The following CNTNAP2 variants were observed in gnomAD, a reference collection of about 807,000 sequenced individuals.
CNTNAP2 encodes contactin associated protein 2.
In CNTNAP2, 98 loss-of-function variants were observed where a neutral mutation model predicts 155.2. The ratio of observed to expected loss-of-function variants is 0.63; its 90% CI spans 0.54 to 0.75. The LOEUF is 0.75. CNTNAP2 is among the 30% of genes least tolerant of loss of function. The pLI is 0.00. For synonymous variants in CNTNAP2, 651 were observed against 631.2 expected (o/e 1.03, Z -0.47); for missense variants, 1,727 against 1,688.1 (o/e 1.02, Z -0.40).
At chr7:146,625,236 G>A (rs1342427669) in intron 1 of CNTNAP2, among the ~76,000 whole-genome samples, 1 of 151,868 alleles carries the variant, frequency 6.6e-6, no homozygotes, top group Non-Finnish European at 1.5e-5. Context: ...GAAGATGGGG[G>A]AGGATAAACA....
At chr7:146,523,829 T>C (rs1797650109) in intron 1 of CNTNAP2, among the ~76,000 whole-genome samples, 1 of 152,192 alleles carries the variant, frequency 6.6e-6, no homozygotes, top group African/African-American at 2.4e-5. Flanking sequence ...TGAGTTATTA[T>C]CCAGCCACCA....
At chr7:147,575,164 T>C (rs1204177478) in intron 12 of CNTNAP2, among the ~76,000 whole-genome samples, 1 of 87,908 alleles carries the variant, frequency 1.1e-5, no homozygotes, top group Non-Finnish European at 2.2e-5. Flanking sequence ...TTCCCTAGCT[T>C]TAGGAGTATG....
intron 8 of CNTNAP2, among the ~76,000 whole-genome samples, chr7:147,297,350 C>T (rs1265616118): frequency 6.6e-6 from 1 of 151,674 alleles, no homozygotes; most frequent in Non-Finnish European, 1.5e-5. Context: ...AGAAAACAGA[C>T]AAAAGAGAGC....
intron 22 of CNTNAP2, among the ~76,000 whole-genome samples, chr7:148,387,157 G>A (rs1435220942): frequency 6.6e-6 from 1 of 152,118 alleles, no homozygotes; most frequent in Admixed American, 6.5e-5. Flanking sequence ...GCACCAAGAA[G>A]GCTTCTTTCT....
At chr7:147,605,926 T>G (rs1801054675) in intron 12 of CNTNAP2, among the ~76,000 whole-genome samples, 1 of 151,980 alleles carries the variant, frequency 6.6e-6, no homozygotes, top group Non-Finnish European at 1.5e-5. Flanking sequence ...TGTGTGTGTG[T>G]GTGTTTGTGT....
intron 3 of CNTNAP2, among the ~76,000 whole-genome samples, chr7:147,039,714 G>C (rs1307750409): frequency 6.6e-6 from 1 of 152,100 alleles, no homozygotes; most frequent in Non-Finnish European, 1.5e-5. Flanking sequence ...TGGGTCAAAT[G>C]GTAGTTTTTC....
intron 9 of CNTNAP2, among the ~76,000 whole-genome samples, chr7:147,393,693 G>A (rs1199644067): frequency 2.0e-5 from 3 of 151,636 alleles, no homozygotes; most frequent in South Asian, 2.1e-4. Context: ...AAGTCAATGC[G>A]AATGAAAAAA....
At chr7:147,434,920 A>T (rs1563202880) in intron 10 of CNTNAP2, among the ~76,000 whole-genome samples, 1 of 152,154 alleles carries the variant, frequency 6.6e-6, no homozygotes, top group Non-Finnish European at 1.5e-5. Context: ...GCCACACATC[A>T]TCTTTTGTCT....
chr7:147,265,953 A>G (rs956763265), intron 8 of CNTNAP2, among the ~76,000 whole-genome samples: 4 of 152,192 alleles, frequency 2.6e-5, no homozygotes, highest in African/African-American at 9.6e-5. Context: ...AACAGCATCA[A>G]CAAAAAAGTC....
intron 3 of CNTNAP2, among the ~76,000 whole-genome samples, chr7:146,962,035 T>C (rs1797566532): frequency 6.6e-6 from 1 of 152,170 alleles, no homozygotes. Context: ...TGGTTACTTT[T>C]GTGACCTGTT....
At chr7:146,246,772 G>A (rs1179631387) in intron 1 of CNTNAP2, among the ~76,000 whole-genome samples, 2 of 152,164 alleles carry the variant, frequency 1.3e-5, no homozygotes, top group East Asian at 3.9e-4. Context: ...TGCACAGATG[G>A]GACTCGGCTT....
At chr7:147,596,615 G>A (rs369696290) in intron 12 of CNTNAP2, among the ~76,000 whole-genome samples, 1 of 151,974 alleles carries the variant, frequency 6.6e-6, no homozygotes, top group Admixed American at 6.6e-5. Context: ...TCAGCCTTTT[G>A]TTTTTTCTGG....
chr7:148,088,856 GA>G (rs959058192), intron 15 of CNTNAP2, among the ~76,000 whole-genome samples: 2 of 151,310 alleles, frequency 1.3e-5, no homozygotes, highest in South Asian at 2.1e-4. Flanking sequence ...AGCACCACAA[GA>G]AAAAAAATTA....
intron 1 of CNTNAP2, among the ~76,000 whole-genome samples, chr7:146,317,808 G>A (rs777398428): frequency 6.6e-6 from 1 of 152,192 alleles, no homozygotes; most frequent in Non-Finnish European, 1.5e-5. Flanking sequence ...CTCAATCAAA[G>A]CAATGTAAAG....
intron 15 of CNTNAP2, among the ~76,000 whole-genome samples, chr7:148,028,678 C>T (rs1802414974): frequency 6.6e-6 from 1 of 152,148 alleles, no homozygotes; most frequent in Admixed American, 6.5e-5. Context: ...TTATAATGAA[C>T]ACTGAATTTG....
intron 1 of CNTNAP2, among the ~76,000 whole-genome samples, chr7:146,364,197 A>G (rs1795123645): frequency 6.6e-6 from 1 of 152,244 alleles, no homozygotes; most frequent in South Asian, 2.1e-4. Flanking sequence ...TCTTAGGCTC[A>G]GAAGAATTAA....
chr7:147,328,886 G>A (rs13224673), intron 9 of CNTNAP2, among the ~76,000 whole-genome samples: 29,354 of 152,044 alleles, frequency 0.19, 3,140 homozygotes, highest in Non-Finnish European at 0.24. Context: ...AAGGTCTTTG[G>A]CAAAATCTGT....
chr7:148,415,358 A>G, intron 23 of CNTNAP2, 59 bp from the exon 24 acceptor site: 5 of 1,569,160 alleles, frequency 3.2e-6, no homozygotes, highest in South Asian at 1.1e-5. Context: ...AAGTGGGGAC[A>G]GTGTTGGAGG....
At chr7:148,356,523 C>A (rs982642141) in intron 21 of CNTNAP2, among the ~76,000 whole-genome samples, 9 of 152,146 alleles carry the variant, frequency 5.9e-5, no homozygotes, top group Non-Finnish European at 1.2e-4. Context: ...CCTGCTTGAG[C>A]CAGATCCAAG....
Sources: gnomAD v4.1 joint callset for allele counts (sites outside exome capture counted in the v4.1 genomes callset) on GRCh38, gnomAD v4.1.1 for gene constraint, MANE v1.5 for transcripts, NCBI Gene and HGNC (gene_info 2026-07-23, HGNC 2026-07-21) for gene names.